ASTN2: variants seen among roughly 807,000 people sequenced by gnomAD.
The protein encoded by ASTN2 is astrotactin 2, also known as astrotactin-2.
ASTN2 carries 54 observed loss-of-function variants against 139.8 expected under a neutral mutation model. That is an observed-to-expected ratio of 0.39 (90% confidence interval 0.31 to 0.48). The LOEUF (loss-of-function observed/expected upper bound fraction) is 0.48. Ranked by LOEUF, ASTN2 falls within the 20% of genes least tolerant of loss-of-function variation. ASTN2 has a pLI of 0.95. For synonymous variants in ASTN2, 756 were observed against 719.5 expected, an observed-to-expected ratio of 1.05 and a Z score of -0.81; for missense variants, 1,565 against 1,725.1, an observed-to-expected ratio of 0.91 and a Z score of 1.64.
intron 21 of ASTN2, among the ~76,000 whole-genome samples, chr9:116,441,778 A>G (rs55692490): frequency 3.2e-4 from 49 of 152,330 alleles, no homozygotes; most frequent in Non-Finnish European, 6.2e-4. Flanking sequence ...AGCCACTGTC[A>G]CATTTTGCTA....
At chr9:117,179,646 G>C (rs1039570748) in intron 3 of ASTN2, among the ~76,000 whole-genome samples, 6 of 152,120 alleles carry the variant, frequency 3.9e-5, no homozygotes, top group Non-Finnish European at 1.5e-5. Context: ...AAATAAAAGT[G>C]TAATGTAACG....
At chr9:116,925,000 C>T (rs143792607) in intron 10 of ASTN2, among the ~76,000 whole-genome samples, 26 of 152,224 alleles carry the variant, frequency 1.7e-4, no homozygotes, top group African/African-American at 5.5e-4. Context: ...GTCACTCTTG[C>T]CACTTAGGAG....
chr9:117,296,140 T>C (rs957042575), intron 1 of ASTN2, among the ~76,000 whole-genome samples: 6 of 151,660 alleles, frequency 4.0e-5, no homozygotes, highest in East Asian at 1.9e-4. Context: ...TAGCCAGGCA[T>C]GGTGGCATAC....
At chr9:116,939,036 G>A (rs1023184933) in intron 10 of ASTN2, among the ~76,000 whole-genome samples, 8 of 152,308 alleles carry the variant, frequency 5.3e-5, no homozygotes, top group Admixed American at 2.0e-4. Context: ...TGAAACAGTA[G>A]TACTAACTCA....
At chr9:117,334,920 T>A (rs1229826024) in intron 1 of ASTN2, among the ~76,000 whole-genome samples, 2 of 152,154 alleles carry the variant, frequency 1.3e-5, no homozygotes, top group African/African-American at 2.4e-5. Flanking sequence ...CCAGGCGTGG[T>A]GGCCTGTGCC....
chr9:117,141,177 G>T, intron 4 of ASTN2, 149 bp downstream of exon 4: 1 of 836,676 alleles, frequency 1.2e-6, no homozygotes, highest in Non-Finnish European at 1.6e-6. Flanking sequence ...GCATAGGTCT[G>T]CAGCCTCCAA....
chr9:116,623,135 A>G (rs1856250194), intron 17 of ASTN2, among the ~76,000 whole-genome samples: 1 of 144,388 alleles, frequency 6.9e-6, no homozygotes. Context: ...ATGGGAAGAG[A>G]GAGAGCATAC....
chr9:117,359,440 G>A (rs1001408528), intron 1 of ASTN2, among the ~76,000 whole-genome samples: 5 of 152,186 alleles, frequency 3.3e-5, no homozygotes, highest in African/African-American at 1.2e-4. Context: ...CTGTCTTCAC[G>A]ATGTATCTGT....
chr9:117,108,438 A>AACACACACACACACACACAT (rs1829162074), intron 4 of ASTN2, among the ~76,000 whole-genome samples: 1 of 145,234 alleles, frequency 6.9e-6, no homozygotes, highest in African/African-American at 2.5e-5. Flanking sequence ...AACAAAACAA[A>AACACACACACACACACACAT]ACACACACAC....
chr9:116,630,924 G>T (rs1275883205), intron 17 of ASTN2, among the ~76,000 whole-genome samples: 1 of 151,864 alleles, frequency 6.6e-6, no homozygotes, highest in East Asian at 1.9e-4. Flanking sequence ...CCTCAAAAAA[G>T]ATATAAAAGT....
intron 10 of ASTN2, among the ~76,000 whole-genome samples, chr9:116,895,230 T>C (rs886398425): frequency 4.6e-5 from 7 of 152,252 alleles, no homozygotes; most frequent in Admixed American, 2.0e-4. Context: ...AACTATTGTA[T>C]ACAATTCCCT....
chr9:117,245,091 C>T (rs189801078), intron 2 of ASTN2, among the ~76,000 whole-genome samples: 1 of 152,034 alleles, frequency 6.6e-6, no homozygotes, highest in East Asian at 2.0e-4. Flanking sequence ...AAAAAGAGCT[C>T]GATTCATCCT....
intron 3 of ASTN2, among the ~76,000 whole-genome samples, chr9:117,206,897 C>T (rs1386500796): frequency 6.6e-6 from 1 of 152,124 alleles, no homozygotes; most frequent in Non-Finnish European, 1.5e-5. Flanking sequence ...CCAGAGTGCC[C>T]CCACCCACTA....
chr9:116,650,325 T>C (rs1202062781), intron 17 of ASTN2, among the ~76,000 whole-genome samples: 1 of 152,120 alleles, frequency 6.6e-6, no homozygotes, highest in Non-Finnish European at 1.5e-5. Flanking sequence ...TGCAAACCAG[T>C]GAATCAATAA....
Position 116,805,107 on chromosome 9 carries a change from G to GGTGT in ASTN2, c.2396+524_2396+525insACAC, listed in dbSNP as rs1379491902. 5.8e-5 allele frequency among the ~76,000 whole-genome samples: 3 copies of GGTGT among 51,398 alleles called. No homozygotes were observed. In the South Asian group the frequency reaches 2.6e-3, roughly 45 times the overall value. 33.7% of individuals were successfully genotyped at this position (51,398 alleles called of 152,430 possible). On this transcript the variant is annotated intron_variant, in intron 13 of 22. Coordinates refer to ENST00000313400, the MANE Select transcript of ASTN2 (RefSeq NM_001365068.1). ...TCTAAACAGCTTTACTGGGATTTGGGGAGTGTGTGTGTGTGTGTGTGTGTG... is the reference window on the plus strand; with the variant it reads ...TCTAAACAGCTTTACTGGGATTTGGGGTGTGAGTGTGTGTGTGTGTGTGTGTGTG...
chr9:116,882,089 C>G, intron 10 of ASTN2, among the ~76,000 whole-genome samples: 1 of 152,156 alleles, frequency 6.6e-6, no homozygotes, highest in Non-Finnish European at 1.5e-5. Flanking sequence ...ATCCACCCAT[C>G]CATTCATCAC....
At chr9:117,001,363 T>C (rs1837186379) in intron 7 of ASTN2, among the ~76,000 whole-genome samples, 1 of 152,172 alleles carries the variant, frequency 6.6e-6, no homozygotes, top group African/African-American at 2.4e-5. Context: ...AAATTCTAAT[T>C]CCTGATGGGA....
At chr9:116,950,533 G>A (rs1380608040) in intron 10 of ASTN2, among the ~76,000 whole-genome samples, 1 of 152,090 alleles carries the variant, frequency 6.6e-6, no homozygotes, top group Admixed American at 6.5e-5. Flanking sequence ...GATATGGTTG[G>A]ATATGTTTAA....
At chr9:117,160,819 A>T (rs1030567910) in intron 3 of ASTN2, among the ~76,000 whole-genome samples, 2 of 152,058 alleles carry the variant, frequency 1.3e-5, no homozygotes, top group Admixed American at 1.3e-4. Context: ...CTAACTAGGT[A>T]CTGTCTTGAC....
Sources: allele counts gnomAD v4.1 joint callset (sites outside exome capture counted in the v4.1 genomes callset), GRCh38; gene constraint gnomAD v4.1.1; transcripts MANE v1.5; gene names NCBI Gene and HGNC (gene_info 2026-07-23, HGNC 2026-07-21).